Variants in KLHL32 observed in about 807,000 individuals in gnomAD.
KLHL32 encodes the protein kelch-like protein 32.
KLHL32 carries 35 observed loss-of-function variants against 64.8 expected under a neutral mutation model. The observed-to-expected ratio is 0.54, with a 90% confidence interval of 0.41 to 0.72. KLHL32 has a LOEUF of 0.72. Ranked by LOEUF, KLHL32 falls within the 30% of genes least tolerant of loss-of-function variation. KLHL32 has a pLI of 0.00. For synonymous variants in KLHL32, 259 were observed against 281.0 expected (o/e 0.92, Z 0.78); for missense variants, 589 against 768.5 (o/e 0.77, Z 2.76).
intron 5 of KLHL32, among the ~76,000 whole-genome samples, chr6:97,072,695 T>A (rs1198899063): frequency 6.6e-6 from 1 of 152,136 alleles, no homozygotes; most frequent in East Asian, 1.9e-4. Flanking sequence ...TTTCCCTCAC[T>A]TTGTCACCTT....
intron 7 of KLHL32, 84 bp from the exon 8 acceptor site, chr6:97,127,320 C>T (rs2206094): frequency 0.51 from 576,715 of 1,127,684 alleles, 153,096 homozygotes; most frequent in African/African-American, 0.78. Flanking sequence ...GTAGCTAATT[C>T]TCCTTTAATT....
intron 3 of KLHL32, among the ~76,000 whole-genome samples, chr6:97,026,339 C>A (rs79894414): frequency 0.082 from 12,398 of 151,712 alleles, 1,076 homozygotes; most frequent in Admixed American, 0.22. Flanking sequence ...GTCACTGTAC[C>A]CTAGCCTGGG....
intron 6 of KLHL32, among the ~76,000 whole-genome samples, chr6:97,106,420 TAAC>T (rs1796413396): frequency 1.3e-5 from 2 of 152,030 alleles, no homozygotes; most frequent in East Asian, 3.9e-4. Flanking sequence ...CAAATTTAGT[TAAC>T]AAGAAATAAT....
intron 3 of KLHL32, among the ~76,000 whole-genome samples, chr6:97,020,141 C>A (rs974687542): frequency 1.3e-5 from 2 of 151,770 alleles, no homozygotes; most frequent in African/African-American, 4.9e-5. Flanking sequence ...CAGGGTTTCA[C>A]CGTGTTGGCC....
intron 1 of KLHL32, among the ~76,000 whole-genome samples, chr6:96,934,920 A>G (rs1323027988): frequency 6.6e-6 from 1 of 152,208 alleles, no homozygotes; most frequent in African/African-American, 2.4e-5. Flanking sequence ...TATGAGGAGC[A>G]GAGAGACTAC....
intron 10 of KLHL32, among the ~76,000 whole-genome samples, chr6:97,137,017 T>TATC (rs1023790148): frequency 1.3e-5 from 2 of 152,222 alleles, no homozygotes; most frequent in Non-Finnish European, 2.9e-5. Flanking sequence ...TTTTTTCCGG[T>TATC]ATCAATTTTC....
intron 3 of KLHL32, among the ~76,000 whole-genome samples, chr6:96,977,136 T>C (rs1775793132): frequency 6.6e-6 from 1 of 152,252 alleles, no homozygotes; most frequent in Non-Finnish European, 1.5e-5. Context: ...GCACTTCTTG[T>C]GATTCACATG....
At chr6:96,939,797 A>T (rs61136942) in intron 1 of KLHL32, among the ~76,000 whole-genome samples, 3,458 of 152,226 alleles carry the variant, frequency 0.023, 86 homozygotes, top group African/African-American at 0.064. Context: ...AGTGGCAGGA[A>T]CTGGAAGGCT....
intron 1 of KLHL32, among the ~76,000 whole-genome samples, chr6:96,962,966 A>C (rs1037976262): frequency 1.1e-4 from 16 of 152,196 alleles, no homozygotes; most frequent in African/African-American, 3.1e-4. Flanking sequence ...GTCATTACTC[A>C]CTTTGAGAAG....
At chr6:97,076,451 C>G (rs1340827539) in intron 5 of KLHL32, among the ~76,000 whole-genome samples, 1 of 152,188 alleles carries the variant, frequency 6.6e-6, no homozygotes, top group Non-Finnish European at 1.5e-5. Flanking sequence ...TCACTTTTCG[C>G]AATTTTTAGA....
At chr6:97,093,499 C>T (rs1363399901) in intron 6 of KLHL32, among the ~76,000 whole-genome samples, 2 of 152,178 alleles carry the variant, frequency 1.3e-5, no homozygotes, top group Non-Finnish European at 2.9e-5. Context: ...TTTAAGAAAA[C>T]AGAAACTCAA....
chr6:96,920,700 G>A (rs1372860040), upstream of KLHL32, among the ~76,000 whole-genome samples: 1 of 152,066 alleles, frequency 6.6e-6, no homozygotes, highest in Non-Finnish European at 1.5e-5. Flanking sequence ...CAGTCTGCAA[G>A]GATCTAATCT....
the KLHL32 span, among the ~76,000 whole-genome samples, chr6:96,913,296 G>A: frequency 6.6e-6 from 1 of 152,146 alleles, no homozygotes; most frequent in Non-Finnish European, 1.5e-5. Context: ...TGGTCTATCT[G>A]GTATTGGCAT....
At chr6:97,056,158 T>C (rs1189627619) in intron 4 of KLHL32, among the ~76,000 whole-genome samples, 1 of 141,740 alleles carries the variant, frequency 7.1e-6, no homozygotes, top group African/African-American at 2.7e-5. Flanking sequence ...CAGGCTGGAG[T>C]GCAGTGGCAC....
At chr6:97,056,493 T>G (rs1414267781) in intron 4 of KLHL32, among the ~76,000 whole-genome samples, 1 of 152,114 alleles carries the variant, frequency 6.6e-6, no homozygotes, top group South Asian at 2.1e-4. Flanking sequence ...CCGTCACTCC[T>G]TTCCAGGTGG....
intron 1 of KLHL32, among the ~76,000 whole-genome samples, chr6:96,938,880 G>A (rs1355719674): frequency 2.6e-5 from 4 of 152,124 alleles, no homozygotes; most frequent in Non-Finnish European, 4.4e-5. Context: ...CACCCAGTAC[G>A]TTTTTGTTGT....
At chr6:96,936,477 G>A (rs1770615630) in intron 1 of KLHL32, among the ~76,000 whole-genome samples, 1 of 152,078 alleles carries the variant, frequency 6.6e-6, no homozygotes, top group South Asian at 2.1e-4. Context: ...CCCAAACCTT[G>A]GAAACATCCT....
chr6:96,958,936 C>T (rs1012358550), intron 1 of KLHL32, among the ~76,000 whole-genome samples: 4 of 152,094 alleles, frequency 2.6e-5, no homozygotes, highest in Admixed American at 1.3e-4. Context: ...TATGGCTGTG[C>T]GTCTACACTT....
rs113124114 is a variant in KLHL32, at chr6:97,117,147, A to G, written c.1354+2638A>G. On this transcript the variant is annotated intron_variant, in intron 7 of 10. Coordinates refer to ENST00000369261, the MANE Select transcript of KLHL32 (RefSeq NM_052904.4). ...ATAGGGAGGGGTGACTAGATTTGCT[A>G]ATGGGCCCCTTAACAAAAATACAGG... Among the ~76,000 whole-genome samples the G allele has an allele frequency of 7.4e-3, 1,131 of 152,268 alleles. 6 individuals are homozygous for G. The highest frequency in any genetic ancestry group is 9.7e-3 in the Non-Finnish European group (662 of 68,016).
Sources: allele counts gnomAD v4.1 joint callset (sites outside exome capture counted in the v4.1 genomes callset), GRCh38; gene constraint gnomAD v4.1.1; transcripts MANE v1.5; gene names NCBI Gene and HGNC (gene_info 2026-07-23, HGNC 2026-07-21).